The following MCC variants were observed in gnomAD, a reference collection of about 807,000 sequenced individuals.
MCC encodes MCC regulator of Wnt signaling pathway, also known as colorectal mutant cancer protein.
Under a neutral mutation model 116.2 loss-of-function variants are expected in MCC, and 90 were observed. That is an observed-to-expected ratio of 0.77 (90% CI 0.65 to 0.92). MCC has a LOEUF of 0.92. MCC is among the 40% of genes least tolerant of loss of function. The pLI is 0.00. For missense variants in MCC, 1,516 were observed against 1,312.2 expected (o/e 1.16, Z -2.40); for synonymous variants, 578 against 510.5 (o/e 1.13, Z -1.78).
rs70973680 is a variant in MCC, at chr5:113,374,991, C to CAAA, written c.415+9974_415+9976dup. Among the ~76,000 whole-genome samples the CAAA allele has an allele frequency of 2.5e-3, 212 of 85,168 alleles. 1 individual carries two copies. Among genetic ancestry groups the CAAA allele is most frequent in the African/African-American group, 5.3e-3 (116 of 21,782 alleles). 55.9% of individuals were successfully genotyped at this position (85,168 alleles called of 152,430 possible). A position where few individuals can be genotyped will look rare whatever the true frequency, so the allele number is the denominator to read the frequency against. The stretch of plus-strand genomic sequence containing the variant: ...TGGGTGACAGAGTGAGACCCTGTCT[C>CAAA]AAAAAAAAAAAAAAAAAAAAAGATG... On this transcript the variant is annotated intron_variant, in intron 2 of 18. Coordinates refer to ENST00000408903, the MANE Select transcript of MCC (RefSeq NM_001085377.2).
At chr5:113,294,214 AGACTGG>A in intron 3 of MCC, 1 of 1,317,862 alleles carries the variant, frequency 7.6e-7, no homozygotes, top group Non-Finnish European at 1.1e-6. Flanking sequence ...CGCTGCCTCC[AGACTGG>A]GAGCACAGGG....
intron 6 of MCC, among the ~76,000 whole-genome samples, chr5:113,110,098 C>A (rs749247163): frequency 6.6e-6 from 1 of 152,148 alleles, no homozygotes; most frequent in Non-Finnish European, 1.5e-5. Flanking sequence ...GGGTTACAGG[C>A]GTGAGCTACC....
At chr5:113,188,407 C>G (rs1762003032) in intron 3 of MCC, among the ~76,000 whole-genome samples, 1 of 152,212 alleles carries the variant, frequency 6.6e-6, no homozygotes, top group Non-Finnish European at 1.5e-5. Context: ...TAGAACAACT[C>G]ACAGTTAGAA....
At chr5:113,124,397 A>G (rs1757919523) in intron 5 of MCC, among the ~76,000 whole-genome samples, 1 of 152,204 alleles carries the variant, frequency 6.6e-6, no homozygotes, top group Non-Finnish European at 1.5e-5. Flanking sequence ...TTTGTGTATG[A>G]TGAATAAATT....
chr5:113,063,931 A>T, intron 14 of MCC, 53 bp downstream of exon 14: 1 of 1,552,612 alleles, frequency 6.4e-7, no homozygotes, highest in Non-Finnish European at 8.7e-7. Context: ...AAGTCCAGTG[A>T]ACAGATGCCA....
intron 3 of MCC, among the ~76,000 whole-genome samples, chr5:113,219,471 TA>T (rs1372078286): frequency 6.6e-6 from 1 of 152,252 alleles, no homozygotes; most frequent in Admixed American, 6.5e-5. Flanking sequence ...AACATGTTTT[TA>T]TTTTCCTAAT....
At chr5:113,327,569 T>A (rs1322958323) in intron 3 of MCC, among the ~76,000 whole-genome samples, 21 of 98,988 alleles carry the variant, frequency 2.1e-4, no homozygotes, top group African/African-American at 7.2e-4. Context: ...AAAATATATA[T>A]ATATATATAT....
At chr5:113,033,879 C>G (rs576175105) in intron 17 of MCC, among the ~76,000 whole-genome samples, 6 of 152,160 alleles carry the variant, frequency 3.9e-5, no homozygotes, top group African/African-American at 1.4e-4. Context: ...TGACTCTAAC[C>G]GCAGAGCCAG....
intron 1 of MCC, among the ~76,000 whole-genome samples, chr5:113,421,712 C>G (rs974369643): frequency 2.0e-5 from 3 of 152,308 alleles, no homozygotes; most frequent in Non-Finnish European, 4.4e-5. Context: ...CCCACTATTT[C>G]TGCTAAATAA....
At chr5:113,093,863 G>A (rs978680436) in intron 8 of MCC, among the ~76,000 whole-genome samples, 2 of 152,180 alleles carry the variant, frequency 1.3e-5, no homozygotes, top group Non-Finnish European at 2.9e-5. Flanking sequence ...TTCTGCTGAT[G>A]ATACGTAGCA....
At chr5:113,070,514 A>G (rs1056660021) in intron 12 of MCC, among the ~76,000 whole-genome samples, 1 of 152,232 alleles carries the variant, frequency 6.6e-6, no homozygotes, top group African/African-American at 2.4e-5. Context: ...GACCAGGAAA[A>G]TATTCATATC....
chr5:113,102,341 G>A (rs939892106), intron 7 of MCC, among the ~76,000 whole-genome samples: 2 of 152,216 alleles, frequency 1.3e-5, no homozygotes, highest in Non-Finnish European at 2.9e-5. Context: ...ACAAACATGA[G>A]GTTGTAAACT....
intron 2 of MCC, among the ~76,000 whole-genome samples, chr5:113,381,501 G>A (rs1192648699): frequency 2.6e-5 from 4 of 152,186 alleles, no homozygotes; most frequent in Non-Finnish European, 5.9e-5. Context: ...AAAACCATAC[G>A]ACCAAGCTCG....
At chr5:113,193,120 A>C (rs1762229122) in intron 3 of MCC, among the ~76,000 whole-genome samples, 1 of 152,136 alleles carries the variant, frequency 6.6e-6, no homozygotes, top group African/African-American at 2.4e-5. Context: ...GGCCAGCAGC[A>C]CAGAATCTTC....
At position 113,104,262 on chromosome 5, in the gene MCC, G is replaced by C. The variant is rs1321119064; in HGVS notation, c.1121C>G (p.Ser374Cys). 1.9e-6 allele frequency: 3 copies of C among 1,614,050 alleles called. No homozygotes were observed. The highest frequency in any genetic ancestry group is 2.5e-6 in the Non-Finnish European group (3 of 1,180,024). Residue 374 changes from serine (S) to cysteine (C), a missense_variant, in exon 7 of 19, where the codon TCC becomes TGC. Ser to Cys is a moderately radical substitution (Grantham distance 112). Transcript: ENST00000408903. The stretch of plus-strand genomic sequence containing the variant: ...AATGTGCTTGTCCACCTCGGCCACG[G>C]AGAGGCTGCAGCTGCTCTTCTTCCT... ...CGRKKSSCSL[S>C]VAEVDKHIEQ...
At position 113,184,472 on chromosome 5, in the gene MCC, G is replaced by GTTTTTTTTTTTTT. The variant is rs200787776; in HGVS notation, c.628-33051_628-33050insAAAAAAAAAAAAA. The stretch of plus-strand genomic sequence containing the variant: ...ACATAGCAATTTAGTTTCTTTCTTC[G>GTTTTTTTTTTTTT]TTTTTTGTTTTTTTTTTTTTTTTTT... On this transcript the variant is annotated intron_variant, in intron 3 of 18. Coordinates refer to ENST00000408903, the MANE Select transcript of MCC (RefSeq NM_001085377.2). 2.6e-4 allele frequency among the ~76,000 whole-genome samples: 32 copies of GTTTTTTTTTTTTT among 123,786 alleles called. 1 individual carries two copies. Among genetic ancestry groups the GTTTTTTTTTTTTT allele is most frequent in the Non-Finnish European group, 2.9e-4 (18 of 62,018 alleles). The allele number at this position is 123,786 out of a possible 152,430, so 81.2% of individuals were successfully genotyped here.
At chr5:113,341,831 C>CT (rs57521275) in intron 2 of MCC, among the ~76,000 whole-genome samples, 82,248 of 151,768 alleles carry the variant, frequency 0.54, 23,829 homozygotes, top group African/African-American at 0.74. Context: ...GAAAAGAAAA[C>CT]TTTTTTTTAC....
chr5:113,434,967 C>T lies in MCC; in HGVS notation c.171-49755G>A. 2 of 1,179,382 alleles carry T rather than the reference C, an allele frequency of 1.7e-6. No individual in the cohort carries two copies. The highest frequency in any genetic ancestry group is 3.2e-5 in the South Asian group (2 of 61,876). The allele number at this position is 1,179,382 out of a possible 1,614,324, so 73.1% of individuals were successfully genotyped here. A position where few individuals can be genotyped will look rare whatever the true frequency, so the allele number is the denominator to read the frequency against. ...CTGGCCAGGCCTGCTGTTCCTGCCTCCTAGAGGCCAAGACTCTGGAGTGGA... is the reference window on the plus strand; with the variant it reads ...CTGGCCAGGCCTGCTGTTCCTGCCTTCTAGAGGCCAAGACTCTGGAGTGGA... On this transcript the variant is annotated intron_variant, in intron 1 of 18. Coordinates refer to ENST00000408903, the MANE Select transcript of MCC (RefSeq NM_001085377.2). The surrounding 1 kb of genome is among the most constrained non-coding windows in gnomAD (Gnocchi z 4.2).
At chr5:113,312,751 G>C (rs1387487192) in intron 3 of MCC, among the ~76,000 whole-genome samples, 1 of 152,102 alleles carries the variant, frequency 6.6e-6, no homozygotes, top group East Asian at 1.9e-4. Context: ...TGGGTAGGGA[G>C]TTTCTCATAT....
Sources: allele counts gnomAD v4.1 joint callset (sites outside exome capture counted in the v4.1 genomes callset), GRCh38; gene constraint gnomAD v4.1.1; non-coding constraint Gnocchi (gnomAD v3.1); transcripts MANE v1.5; gene names NCBI Gene and HGNC (gene_info 2026-07-23, HGNC 2026-07-21).